The following ADAMTS15 variants were observed in gnomAD, a reference collection of about 807,000 sequenced individuals.
ADAMTS15 encodes the protein ADAM metallopeptidase with thrombospondin type 1 motif 15.
ADAMTS15 carries 35 observed loss-of-function variants against 79.1 expected under a neutral mutation model. The ratio of observed to expected loss-of-function variants is 0.44; its 90% confidence interval spans 0.34 to 0.59. ADAMTS15 has a LOEUF of 0.59. Among genes scored for constraint, ADAMTS15 ranks in the 20% least tolerant of loss-of-function variants. The pLI, the probability that ADAMTS15 is intolerant of heterozygous loss-of-function variation, is 0.02. For synonymous variants in ADAMTS15, 616 were observed against 567.3 expected (o/e 1.09, Z -1.22); for missense variants, 1,324 against 1,318.7 (o/e 1.00, Z -0.06).
chr11:130,470,152 GTGTATATATA>G lies in ADAMTS15; in HGVS notation c.1720+715_1720+724del, dbSNP rs1182848300. 2.8e-4 allele frequency among the ~76,000 whole-genome samples: 21 copies of G among 73,740 alleles called. 1 individual carries two copies. The highest frequency in any genetic ancestry group is 4.2e-4 in the South Asian group (1 of 2,394). 48.4% of individuals were successfully genotyped at this position (73,740 alleles called of 152,430 possible). On this transcript the variant is annotated intron_variant, in intron 5 of 7. Transcript: ENST00000299164. Reference sequence around the variant, plus strand: ...TATATACATATATATATATATATATGTGTATATATATATATATATATATATATATGTGTGT... The same window carrying G: ...TATATACATATATATATATATATATGTATATATATATATATATATGTGTGT...
rs752272386 is a variant in ADAMTS15, at chr11:130,449,968, C to T, written c.957+38C>T. 25 of 1,584,886 alleles carry T rather than the reference C, an allele frequency of 1.6e-5. No individual in the cohort carries two copies. The highest frequency in any genetic ancestry group is 2.1e-5 in the Non-Finnish European group (24 of 1,170,072). On this transcript the variant is annotated intron_variant, in intron 1 of 7. Transcript: ENST00000299164. This position sits in a 1 kb window ranked among gnomAD's most constrained non-coding sequence, Gnocchi z 7.8. ...GCCGTCACTTTGCACCCAGATAGTC[C>T]CGTTCTTTAGGGTCACCTCCCCTAG...
rs773858578 is a variant in ADAMTS15, at chr11:130,469,323, G to A, written c.1604G>A (p.Gly535Asp). The A allele has an allele frequency of 5.0e-6, 7 of 1,390,906 alleles. No homozygotes were observed. The highest frequency in any genetic ancestry group is 5.6e-6 in the Non-Finnish European group (6 of 1,066,696). 86.2% of individuals were successfully genotyped at this position (1,390,906 alleles called of 1,614,324 possible). A position where few individuals can be genotyped will look rare whatever the true frequency, so the allele number is the denominator to read the frequency against. ...YGPCSRTCGG[G>D]VQLARRQCTN... is the part of the protein sequence containing the mutation. Reference sequence around the variant, plus strand: ...CCCTGCTCGCGCACATGTGGTGGGGGCGTGCAGCTGGCCAGGAGGCAGTGC... The same window carrying A: ...CCCTGCTCGCGCACATGTGGTGGGGACGTGCAGCTGGCCAGGAGGCAGTGC... The change falls in exon 5 of 8, where the codon GGC becomes GAC. Residue 535 changes from glycine (G) to aspartate (D), a missense_variant. By Grantham distance (94) the Gly-to-Asp change is moderately conservative (BLOSUM62 -1). Transcript: ENST00000299164.
Position 130,460,197 on chromosome 11 carries a change from G to A in ADAMTS15, c.958-1292G>A, listed in dbSNP as rs562150387. On this transcript the variant is annotated intron_variant, in intron 1 of 7. Coordinates refer to ENST00000299164, the MANE Select transcript of ADAMTS15 (RefSeq NM_139055.4). ...GAGGTGACACATGTAGCAGCTTCCT[G>A]TGAAATGCAGAATGCCTTATGCATT... Among the ~76,000 whole-genome samples, 102 of 152,196 alleles carry A rather than the reference G, an allele frequency of 6.7e-4. 1 individual carries two copies. The highest frequency in any genetic ancestry group is 2.4e-3 in the African/African-American group (98 of 41,510).
chr11:130,459,102 C>T (rs532378371), intron 1 of ADAMTS15, among the ~76,000 whole-genome samples: 4 of 140,220 alleles, frequency 2.9e-5, no homozygotes, highest in Admixed American at 7.4e-5. Context: ...GGCGTGATCA[C>T]GGGTCACTGT....
In ADAMTS15 at chr11:130,473,134, T is replaced by C. The variant is rs149181155; in HGVS notation, c.2166T>C (p.Asp722=). ...RQRGYKGLIG[D]DNYLALKNSQ... ...GCGGTTACAAAGGGCTGATCGGGGA[T>C]GACAACTACCTGGCTCTGAAGAACA... Residue 722 remains aspartate, a synonymous_variant, in exon 8 of 8, where the codon GAT becomes GAC. Transcript: ENST00000299164. 3.5e-4 allele frequency: 573 copies of C among 1,614,122 alleles called. No individual in the cohort carries two copies. Among genetic ancestry groups the C allele is most frequent in the Non-Finnish European group, 4.4e-4 (522 of 1,180,038 alleles).
In ADAMTS15 at chr11:130,471,078, T is replaced by A. The variant is rs766547214; in HGVS notation, c.1879T>A (p.Tyr627Asn). ...KLICRANGTG[Y>N]FYVLAPKVVD... The stretch of plus-strand genomic sequence containing the variant: ...CATCTGCCGAGCCAATGGCACTGGC[T>A]ACTTCTATGTGCTGGCACCCAAGGT... The change falls in exon 6 of 8, where the codon TAC becomes AAC. Residue 627 changes from tyrosine (Y) to asparagine (N), a missense_variant. Transcript: ENST00000299164. 6.2e-7 allele frequency: 1 copy of A among 1,613,822 alleles called. No individual in the cohort carries two copies. Among genetic ancestry groups the A allele is most frequent in the Admixed American group, 1.7e-5 (1 of 59,990 alleles).
intron 4 of ADAMTS15, among the ~76,000 whole-genome samples, chr11:130,466,133 A>G (rs1335365427): frequency 6.6e-6 from 1 of 152,148 alleles, no homozygotes; most frequent in East Asian, 1.9e-4. Context: ...TCGGCCTCCC[A>G]AAGCGTTGGG....
rs748324580 is a variant in ADAMTS15 at position 130,471,221 on chromosome 11, C to T, written c.1916C>T (p.Thr639Met). 5.6e-6 allele frequency: 9 copies of T among 1,599,802 alleles called. No homozygotes were observed. Among genetic ancestry groups the T allele is most frequent in the Non-Finnish European group, 7.7e-6 (9 of 1,172,956 alleles). ...GGGGTGCTGCAGGTGGTGGACGGCA[C>T]GCTGTGCTCTCCTGACTCCACCTCC... ...YVLAPKVVDG[T>M]LCSPDSTSVC... Residue 639 changes from threonine (T) to methionine (M), a missense_variant, in exon 7 of 8, where the codon ACG becomes ATG. By Grantham distance (81) the Thr-to-Met change is moderately conservative. Transcript: ENST00000299164.
Position 130,473,323 on chromosome 11 carries a change from C to T in ADAMTS15, c.2355C>T (p.Ser785=), listed in dbSNP as rs373985098. The part of the protein sequence containing the change: ...ILEPLTVEVL[S]VGKMTPPRVR... ...AGCCGCTGACCGTGGAGGTCCTCTCCGTGGGGAAGATGACACCGCCCCGGG... is the reference window on the plus strand; with the variant it reads ...AGCCGCTGACCGTGGAGGTCCTCTCTGTGGGGAAGATGACACCGCCCCGGG... Residue 785 remains serine (S), a synonymous_variant, in exon 8 of 8, where the codon TCC becomes TCT. Transcript: ENST00000299164. 3.3e-5 allele frequency: 53 copies of T among 1,612,948 alleles called. No individual in the cohort carries two copies. Among genetic ancestry groups the T allele is most frequent in the African/African-American group, 9.3e-5 (7 of 74,944 alleles).
At position 130,448,918 on chromosome 11, in the gene ADAMTS15, G is replaced by A; in HGVS notation, c.-56G>A. 3 of 1,350,744 alleles carry A rather than the reference G, an allele frequency of 2.2e-6. No homozygotes were observed. Among genetic ancestry groups the A allele is most frequent in the Non-Finnish European group, 2.9e-6 (3 of 1,030,066 alleles). The allele number at this position is 1,350,744 out of a possible 1,614,324, so 83.7% of individuals were successfully genotyped here. On this transcript the variant is annotated 5_prime_UTR_variant, in exon 1 of 8. Transcript: ENST00000299164. Reference sequence around the variant, plus strand: ...GGGCTGCACGGAGACCGCGGCAGCGGCCGGAGAGCCCGGCCCAGCCCCTTC... The same window carrying A: ...GGGCTGCACGGAGACCGCGGCAGCGACCGGAGAGCCCGGCCCAGCCCCTTC...
At position 130,462,253 on chromosome 11, in the gene ADAMTS15, C is replaced by T. The variant is rs759292288; in HGVS notation, c.1257C>T (p.His419=). ...TCACCGACTTCCTGGACAGCGGGCA[C>T]GGTAAGCCAGGACGGCGGGAGGGCA... ...AIITDFLDSG[H]GDCLLDQPSK... Residue 419 remains histidine, a splice_region_variant and synonymous_variant, in exon 3 of 8, where the codon CAC becomes CAT. Transcript: ENST00000299164. This position sits in a 1 kb window ranked among gnomAD's most constrained non-coding sequence, Gnocchi z 4.3. The T allele has an allele frequency of 2.2e-5, 36 of 1,611,846 alleles. No homozygotes were observed. The highest frequency in any genetic ancestry group is 1.7e-4 in the Middle Eastern group (1 of 6,050).
In ADAMTS15 at chr11:130,474,022, A is replaced by T; in HGVS notation, c.*201A>T. On this transcript the variant is annotated 3_prime_UTR_variant, in exon 8 of 8. Coordinates refer to ENST00000299164, the MANE Select transcript of ADAMTS15 (RefSeq NM_139055.4). The stretch of plus-strand genomic sequence containing the variant: ...CAGAGGGAAGCCCAGGAACTCCCGC[A>T]CAGTCTACCTCAGGCCCCGCTCCTC... 1.4e-6 allele frequency: 1 copy of T among 729,254 alleles called. No homozygotes were observed. The highest frequency in any genetic ancestry group is 2.7e-5 in the East Asian group (1 of 36,378). 45.2% of individuals were successfully genotyped at this position (729,254 alleles called of 1,614,324 possible).
intron 2 of ADAMTS15, among the ~76,000 whole-genome samples, chr11:130,461,866 C>A (rs550396212): frequency 6.6e-6 from 1 of 152,274 alleles, no homozygotes; most frequent in South Asian, 2.1e-4. Context: ...ATGTTAACGA[C>A]AAGGAGGTAC....
Position 130,473,280 on chromosome 11 carries a change from C to A in ADAMTS15, c.2312C>A (p.Ala771Asp). ...GTGTAVESLQ[A>D]SRPILEPLTV... is the part of the protein sequence containing the mutation. ...GGCACAGCGGTGGAGAGCCTGCAGG[C>A]TTCCCGGCCCATCCTGGAGCCGCTG... is the stretch of plus-strand genomic sequence containing the variant. The change falls in exon 8 of 8, where the codon GCT (alanine) becomes GAT (aspartate). Residue 771 changes from alanine (A) to aspartate (D), a missense_variant. By Grantham distance (126) the Ala-to-Asp change is moderately radical. Transcript: ENST00000299164. 1 of 1,613,270 alleles carries A rather than the reference C, an allele frequency of 6.2e-7. No individual in the cohort carries two copies. Among genetic ancestry groups the A allele is most frequent in the Non-Finnish European group, 8.5e-7 (1 of 1,180,006 alleles).
At chr11:130,463,349 T>G (rs959317158) in intron 4 of ADAMTS15, among the ~76,000 whole-genome samples, 1 of 152,264 alleles carries the variant, frequency 6.6e-6, no homozygotes, top group Non-Finnish European at 1.5e-5. Context: ...AATACTTGTT[T>G]TCCCTCCTGA....
At position 130,473,615 on chromosome 11, in the gene ADAMTS15, C is replaced by T. The variant is rs757213675; in HGVS notation, c.2647C>T (p.Arg883Trp). 1.6e-5 allele frequency: 25 copies of T among 1,609,622 alleles called. No homozygotes were observed. Among genetic ancestry groups the T allele is most frequent in the East Asian group, 2.2e-5 (1 of 44,864 alleles). ...GGTCCCTGCCTGTGATGCAGCCCAT[C>T]GGCCCGTGGAGACACAAGCCTGCGG... ...RTVPACDAAH[R>W]PVETQACGEP... Residue 883 changes from arginine to tryptophan, a missense_variant, in exon 8 of 8, where the codon CGG (arginine) becomes TGG (tryptophan). By Grantham distance (101) the Arg-to-Trp change is moderately radical. Coordinates refer to ENST00000299164, the MANE Select transcript of ADAMTS15 (RefSeq NM_139055.4).
rs1157689519 is a variant in ADAMTS15, at chr11:130,470,152, G to GTA, written c.1720+714_1720+715insAT. ...TATATACATATATATATATATATAT[G>GTA]TGTATATATATATATATATATATAT... On this transcript the variant is annotated intron_variant, in intron 5 of 7. Transcript: ENST00000299164. 1.1e-4 allele frequency among the ~76,000 whole-genome samples: 8 copies of GTA among 73,762 alleles called. 1 individual carries two copies. The highest frequency in any genetic ancestry group is 2.1e-4 in the African/African-American group (3 of 14,394). The allele number at this position is 73,762 out of a possible 152,430, so 48.4% of individuals were successfully genotyped here.
At chr11:130,465,692 C>A (rs931281652) in intron 4 of ADAMTS15, among the ~76,000 whole-genome samples, 2 of 152,092 alleles carry the variant, frequency 1.3e-5, no homozygotes, top group Non-Finnish European at 2.9e-5. Context: ...GTGACTGTTA[C>A]CTTTCCTCCC....
At position 130,462,724 on chromosome 11, in the gene ADAMTS15, G is replaced by T; in HGVS notation, c.1486G>T (p.Gly496Cys). Residue 496 changes from glycine (G) to cysteine (C), a missense_variant, in exon 4 of 8, where the codon GGC becomes TGC. Transcript: ENST00000299164. This position sits in a 1 kb window ranked among gnomAD's most constrained non-coding sequence, Gnocchi z 4.3. ...GGCCGATGGCACCAGCTGTGGCGAG[G>T]GCAAGCTCTGCCTCAAAGGGGCCTG... Reference protein sequence around the residue: ...PWADGTSCGEGKLCLKGACVE... With the variant: ...PWADGTSCGECKLCLKGACVE... The T allele has an allele frequency of 1.9e-6, 3 of 1,608,370 alleles. No homozygotes were observed. Among genetic ancestry groups the T allele is most frequent in the Non-Finnish European group, 2.6e-6 (3 of 1,175,344 alleles).
Sources: allele counts gnomAD v4.1 joint callset (sites outside exome capture counted in the v4.1 genomes callset), GRCh38; gene constraint gnomAD v4.1.1; non-coding constraint Gnocchi (gnomAD v3.1); transcripts MANE v1.5; gene names NCBI Gene and HGNC (gene_info 2026-07-23, HGNC 2026-07-21).